Variants in CTU1 observed in about 807,000 individuals in gnomAD.
CTU1 encodes the protein cytosolic thiouridylase subunit 1.
In CTU1, 15 loss-of-function variants were observed where a neutral mutation model predicts 12.9. The ratio of observed to expected loss-of-function variants is 1.16; its 90% confidence interval spans 0.78 to 1.79. CTU1 has a LOEUF of 1.79. Among genes scored for constraint, CTU1 ranks in the 40% most tolerant of loss-of-function variants. The pLI, the probability that CTU1 is intolerant of heterozygous loss-of-function variation, is 0.00. For missense variants in CTU1, 553 were observed against 550.5 expected, an observed-to-expected ratio of 1.00 and a Z score of -0.05; for synonymous variants, 295 against 275.6, an observed-to-expected ratio of 1.07 and a Z score of -0.70.
At chr19:51,103,592 A>G (rs923516769) in intron 2 of CTU1, among the ~76,000 whole-genome samples, 1 of 151,916 alleles carries the variant, frequency 6.6e-6, no homozygotes, top group African/African-American at 2.4e-5. Flanking sequence ...CTCAAAAAAA[A>G]AAAAAAAAAA....
rs1192302187 is a variant in CTU1, at chr19:51,104,150, G to T, written c.420C>A (p.Ser140Arg). Residue 140 changes from serine to arginine, a missense_variant, in exon 2 of 3, where the codon AGC becomes AGA. By Grantham distance (110) the Ser-to-Arg change is moderately radical (BLOSUM62 -1). Transcript: ENST00000421832. Reference sequence around the variant, plus strand: ...CTCCACAGAAGGTGCAGCAGGAGCGGCTGCGGCCGGAGCCGGCTGTGCTGC... The same window carrying T: ...CTCCACAGAAGGTGCAGCAGGAGCGTCTGCGGCCGGAGCCGGCTGTGCTGC... ...VARSTAGSGR[S>R]RSCCTFCGVL... 1.1e-5 allele frequency: 17 copies of T among 1,515,838 alleles called. No homozygotes were observed. The highest frequency in any genetic ancestry group is 1.4e-5 in the African/African-American group (1 of 69,886). The allele number at this position is 1,515,838 out of a possible 1,614,324, so 93.9% of individuals were successfully genotyped here.
intron 2 of CTU1, 77 bp from the exon 3 acceptor site, chr19:51,099,216 G>A (rs2091901415): frequency 7.6e-7 from 1 of 1,323,668 alleles, no homozygotes; most frequent in Non-Finnish European, 1.0e-6. Flanking sequence ...GGGGAACCAA[G>A]GGTCCACCAG....
In CTU1 at chr19:51,104,376, G is replaced by T. The variant is rs777404991; in HGVS notation, c.194C>A (p.Thr65Lys). 3 of 1,354,176 alleles carry T rather than the reference G, an allele frequency of 2.2e-6. No homozygotes were observed. The highest frequency in any genetic ancestry group is 3.0e-5 in the South Asian group (2 of 66,004). The allele number at this position is 1,354,176 out of a possible 1,614,324, so 83.9% of individuals were successfully genotyped here. A position where few individuals can be genotyped will look rare whatever the true frequency, so the allele number is the denominator to read the frequency against. ...CGCGCGCAGCACGTGCGCCAGCACC[G>T]TGGAGTCCTTGCCGCCCGAGGCGCC... Reference protein sequence around the residue: ...AVGASGGKDSTVLAHVLRALA... With the variant: ...AVGASGGKDSKVLAHVLRALA... The change falls in exon 2 of 3, where the codon ACG becomes AAG. Residue 65 changes from threonine to lysine, a missense_variant. Around this residue, in one of 2 missense-constraint regions of CTU1, gnomAD observed 500 missense variants for 458.5 expected, o/e 1.09. Transcript: ENST00000421832.
At chr19:51,106,287 C>T (rs1265257505) in intron 1 of CTU1, among the ~76,000 whole-genome samples, 1 of 152,204 alleles carries the variant, frequency 6.6e-6, no homozygotes, top group African/African-American at 2.4e-5. Flanking sequence ...CTTCCTGCCA[C>T]TGAGCCCAAG....
At position 51,098,656 on chromosome 19, in the gene CTU1, C is replaced by G. The variant is rs1219555547; in HGVS notation, c.992G>C (p.Gly331Ala). The change falls in exon 3 of 3, where the codon GGG (glycine) becomes GCG (alanine). Residue 331 changes from glycine (G) to alanine (A), a missense_variant. Gly to Ala is a moderately conservative substitution (Grantham distance 60). Coordinates refer to ENST00000421832, the MANE Select transcript of CTU1 (RefSeq NM_145232.4). This position sits in a 1 kb window ranked among gnomAD's most constrained non-coding sequence, Gnocchi z 4.3. Reference sequence around the variant, plus strand: ...GGGCCGGGCCGGATCCCCGGGCGTCCCCGGCGTCGCCTCCTCGTCCAGACC... The same window carrying G: ...GGGCCGGGCCGGATCCCCGGGCGTCGCCGGCGTCGCCTCCTCGTCCAGACC... ...RRGLDEEATP[G>A]TPGDPARPPA... 10 of 1,309,652 alleles carry G rather than the reference C, an allele frequency of 7.6e-6. No homozygotes were observed. Among genetic ancestry groups the G allele is most frequent in the Non-Finnish European group, 9.7e-6 (10 of 1,028,682 alleles). 81.1% of individuals were successfully genotyped at this position (1,309,652 alleles called of 1,614,324 possible).
In CTU1 at chr19:51,104,591, C is replaced by T; in HGVS notation, c.-21-1G>A. On this transcript the variant is annotated splice_acceptor_variant, in intron 1 of 2. Coordinates refer to ENST00000421832, the MANE Select transcript of CTU1 (RefSeq NM_145232.4). LOFTEE classifies it low-confidence loss of function (5UTR_SPLICE). Reference sequence around the variant, plus strand: ...GCATTGCGGGAGGGGTCGGCTTCTCCTAGACAGGGAGAGAGAGGAGGTGGG... The same window carrying T: ...GCATTGCGGGAGGGGTCGGCTTCTCTTAGACAGGGAGAGAGAGGAGGTGGG... 8.1e-7 allele frequency: 1 copy of T among 1,237,858 alleles called. No individual in the cohort carries two copies. The highest frequency in any genetic ancestry group is 1.0e-6 in the Non-Finnish European group (1 of 990,302). The allele number at this position is 1,237,858 out of a possible 1,614,324, so 76.7% of individuals were successfully genotyped here.
At chr19:51,101,190 C>A (rs888441780) in intron 2 of CTU1, among the ~76,000 whole-genome samples, 2 of 152,164 alleles carry the variant, frequency 1.3e-5, no homozygotes, top group African/African-American at 4.8e-5. Context: ...AAGTGATCCA[C>A]CTGCCTCGGC....
chr19:51,107,142 C>T (rs1424986353), intron 1 of CTU1, among the ~76,000 whole-genome samples: 1 of 152,088 alleles, frequency 6.6e-6, no homozygotes, highest in African/African-American at 2.4e-5. Context: ...CAAGGCTGCA[C>T]AAGTTAGCAG....
chr19:51,104,088 C>A lies in CTU1; in HGVS notation c.482G>T (p.Arg161Leu). ...RRRALEEGARRVGATHIVTGH... is the reference protein window; with the variant it reads ...RRRALEEGARLVGATHIVTGH... ...TGTCACGATGTGCGTGGCTCCCACGCGGCGCGCCCCTTCCTCCAGCGCCCG... is the reference window on the plus strand; with the variant it reads ...TGTCACGATGTGCGTGGCTCCCACGAGGCGCGCCCCTTCCTCCAGCGCCCG... Residue 161 changes from arginine to leucine, a missense_variant, in exon 2 of 3, where the codon CGC becomes CTC. Physicochemically the swap from Arg to Leu is moderately radical, Grantham distance 102 (BLOSUM62 -2). Around this residue, in one of 2 missense-constraint regions of CTU1, gnomAD observed 500 missense variants for 458.5 expected, o/e 1.09. Transcript: ENST00000421832. The A allele has an allele frequency of 1.4e-6, 2 of 1,467,928 alleles. No individual in the cohort carries two copies. The highest frequency in any genetic ancestry group is 1.8e-6 in the Non-Finnish European group (2 of 1,125,372). The allele number at this position is 1,467,928 out of a possible 1,614,324, so 90.9% of individuals were successfully genotyped here.
chr19:51,102,302 C>T (rs900158490), intron 2 of CTU1, among the ~76,000 whole-genome samples: 7 of 152,158 alleles, frequency 4.6e-5, no homozygotes, highest in Non-Finnish European at 8.8e-5. Context: ...TGTGCCCGGC[C>T]GAAGCCTTTC....
At position 51,101,649 on chromosome 19, in the gene CTU1, A is replaced by G. The variant is rs144206626; in HGVS notation, c.508+2413T>C. Reference sequence around the variant, plus strand: ...AGAACTTGGCTCTAATTGTGTTTGTAGTAATGGTTACCTCCCAAAGACCTG... The same window carrying G: ...AGAACTTGGCTCTAATTGTGTTTGTGGTAATGGTTACCTCCCAAAGACCTG... On this transcript the variant is annotated intron_variant, in intron 2 of 2. Coordinates refer to ENST00000421832, the MANE Select transcript of CTU1 (RefSeq NM_145232.4). Among the ~76,000 whole-genome samples, 327 of 152,304 alleles carry G rather than the reference A, an allele frequency of 2.1e-3. 1 individual carries two copies. The highest frequency in any genetic ancestry group is 7.6e-3 in the African/African-American group (314 of 41,570).
At chr19:51,103,626 A>T (rs1963092627) in intron 2 of CTU1, among the ~76,000 whole-genome samples, 1 of 151,814 alleles carries the variant, frequency 6.6e-6, no homozygotes, top group Non-Finnish European at 1.5e-5. Context: ...AGGAGAGGCC[A>T]ACCAAGAAAA....
chr19:51,107,768 A>G (rs922655630), intron 1 of CTU1, among the ~76,000 whole-genome samples: 2 of 152,166 alleles, frequency 1.3e-5, no homozygotes, highest in African/African-American at 4.8e-5. Context: ...CCATTTGGCC[A>G]CGTCAGGTTT....
rs553759415 is a variant in CTU1, at chr19:51,097,978, A to G, written c.*623T>C. The G allele has an allele frequency of 2.6e-5, 4 of 152,410 alleles. No individual in the cohort carries two copies. The highest frequency in any genetic ancestry group is 2.0e-4 in the Admixed American group (3 of 15,302). The allele number at this position is 152,410 out of a possible 1,614,324, so 9.4% of individuals were successfully genotyped here. The stretch of plus-strand genomic sequence containing the variant: ...CCATTTACCACTTCAGGCTACAGCC[A>G]GTGAGACCGTGGTGGAGACGAAATG... On this transcript the variant is annotated 3_prime_UTR_variant, in exon 3 of 3. Coordinates refer to ENST00000421832, the MANE Select transcript of CTU1 (RefSeq NM_145232.4).
At chr19:51,107,632 A>G (rs2091923703) in intron 1 of CTU1, among the ~76,000 whole-genome samples, 1 of 152,182 alleles carries the variant, frequency 6.6e-6, no homozygotes, top group Non-Finnish European at 1.5e-5. Flanking sequence ...CAGGACTTGT[A>G]TAAGACTGAT....
At chr19:51,099,259 G>T in intron 2 of CTU1, 120 bp from the exon 3 acceptor site, 3 of 863,172 alleles carry the variant, frequency 3.5e-6, no homozygotes, top group Non-Finnish European at 5.1e-6. Flanking sequence ...AGAGACCCAC[G>T]GAGACCCAGG....
intron 2 of CTU1, among the ~76,000 whole-genome samples, chr19:51,100,010 GACCCA>G (rs2091903446): frequency 6.6e-6 from 1 of 152,066 alleles, no homozygotes; most frequent in African/African-American, 2.4e-5. Flanking sequence ...GGGCAGCCAG[GACCCA>G]GAGAGAGATG....
At chr19:51,105,861 C>T (rs150038766) in intron 1 of CTU1, among the ~76,000 whole-genome samples, 4,196 of 152,298 alleles carry the variant, frequency 0.028, 89 homozygotes, top group Middle Eastern at 0.044. Context: ...ATGCCAAGTC[C>T]GGACCTTTTC....
rs752267680 is a variant in CTU1, at chr19:51,099,012, C to A, written c.636G>T (p.Pro212=). The change falls in exon 3 of 3, where the codon CCG becomes CCT. Residue 212 remains proline, a synonymous_variant. Transcript: ENST00000421832. ...CCTCCTTCTGCGAGGCGAACTGCAG[C>A]GGGCGGCAGCGCGGCAGGGCGCCCC... ...GEGGALPRCR[P]LQFASQKEVV... is the part of the protein sequence containing the mutation. 5.9e-6 allele frequency: 9 copies of A among 1,518,930 alleles called. No individual in the cohort carries two copies. The East Asian group carries it at 2.3e-4, about 39-fold the overall frequency. 94.1% of individuals were successfully genotyped at this position (1,518,930 alleles called of 1,614,324 possible).
Sources: allele counts gnomAD v4.1 joint callset (sites outside exome capture counted in the v4.1 genomes callset), GRCh38; gene constraint gnomAD v4.1.1; regional missense constraint gnomAD v4.1.1; non-coding constraint Gnocchi (gnomAD v3.1); transcripts MANE v1.5; gene names NCBI Gene and HGNC (gene_info 2026-07-23, HGNC 2026-07-21).